SAMD5: variants seen among roughly 807,000 people sequenced by gnomAD.
SAMD5 encodes sterile alpha motif domain containing 5, also known as sterile alpha motif domain-containing protein 5.
In SAMD5, 13 loss-of-function variants were observed where a neutral mutation model predicts 11.3. The ratio of observed to expected loss-of-function variants is 1.15; its 90% CI spans 0.75 to 1.83. The LOEUF is 1.83. Ranked by LOEUF, SAMD5 falls within the 40% of genes most tolerant of loss-of-function variation. SAMD5 has a pLI of 0.00. For synonymous variants in SAMD5, 129 were observed against 111.3 expected (o/e 1.16, Z -1.00); for missense variants, 255 against 239.1 (o/e 1.07, Z -0.44).
chr6:147,927,204 T>C, the SAMD5 span, among the ~76,000 whole-genome samples: 4 of 152,220 alleles, frequency 2.6e-5, no homozygotes, highest in Non-Finnish European at 5.9e-5. Context: ...GTGAAGAATG[T>C]CATTGGTAGT....
chr6:147,683,861 A>C (rs1403357695), intron 1 of SAMD5, among the ~76,000 whole-genome samples: 1 of 152,226 alleles, frequency 6.6e-6, no homozygotes, highest in Non-Finnish European at 1.5e-5. Context: ...TTCTTGGACC[A>C]TTTCAGAATT....
At chr6:147,727,261 A>G (rs1466638877) in intron 1 of SAMD5, among the ~76,000 whole-genome samples, 1 of 152,138 alleles carries the variant, frequency 6.6e-6, no homozygotes, top group Non-Finnish European at 1.5e-5. Context: ...TGCTGGCCCA[A>G]TTTGCTTGAC....
At chr6:147,935,287 T>C in the SAMD5 span, among the ~76,000 whole-genome samples, 556 of 152,260 alleles carry the variant, frequency 3.7e-3, 4 homozygotes, top group African/African-American at 0.012. Context: ...CACATCTTCA[T>C]AGTGATATCA....
the SAMD5 span, among the ~76,000 whole-genome samples, chr6:147,868,822 A>G: frequency 6.6e-6 from 1 of 152,256 alleles, no homozygotes; most frequent in Non-Finnish European, 1.5e-5. Flanking sequence ...TAAAACACAT[A>G]TCAATCTCTG....
intron 1 of SAMD5, among the ~76,000 whole-genome samples, chr6:147,539,135 A>G (rs895918267): frequency 2.0e-5 from 3 of 152,214 alleles, no homozygotes; most frequent in Admixed American, 1.3e-4. Flanking sequence ...CAGATCCCCA[A>G]AATTAGGCGT....
chr6:147,919,073 C>T, the SAMD5 span, among the ~76,000 whole-genome samples: 1 of 152,160 alleles, frequency 6.6e-6, no homozygotes, highest in Non-Finnish European at 1.5e-5. Flanking sequence ...ACAATCCAAT[C>T]TAGGGATGGG....
the SAMD5 span, among the ~76,000 whole-genome samples, chr6:147,816,526 A>G: frequency 6.6e-6 from 1 of 151,534 alleles, no homozygotes; most frequent in Non-Finnish European, 1.5e-5. Flanking sequence ...ATTATCACAT[A>G]CAAAAGGCAG....
chr6:147,520,517 G>A (rs117753585), intron 1 of SAMD5, among the ~76,000 whole-genome samples: 2 of 152,272 alleles, frequency 1.3e-5, no homozygotes, highest in Middle Eastern at 3.4e-3. Flanking sequence ...ACATTGTATT[G>A]AGAAAATTTG....
At chr6:147,816,281 C>CAAAAAA in the SAMD5 span, among the ~76,000 whole-genome samples, 42 of 27,820 alleles carry the variant, frequency 1.5e-3, 1 homozygote, top group African/African-American at 1.8e-3. Flanking sequence ...ACTCCGTCTC[C>CAAAAAA]AAAAAAAAAA....
chr6:147,640,497 CA>C (rs1172694444), intron 1 of SAMD5, among the ~76,000 whole-genome samples: 2,665 of 23,886 alleles, frequency 0.11, 10 homozygotes, highest in South Asian at 0.16. Flanking sequence ...GACTCTGTCG[CA>C]AAAAAAAAAA....
At chr6:147,846,108 G>GA in the SAMD5 span, among the ~76,000 whole-genome samples, 134 of 141,654 alleles carry the variant, frequency 9.5e-4, 1 homozygote, top group East Asian at 7.9e-3. Context: ...TATGCTGAGT[G>GA]AAAAAAAAAA....
At chr6:147,721,801 T>A (rs1791556023) in intron 1 of SAMD5, among the ~76,000 whole-genome samples, 1 of 152,214 alleles carries the variant, frequency 6.6e-6, no homozygotes, top group Admixed American at 6.5e-5. Context: ...GAAAGTTTTA[T>A]ACAATTGCAC....
rs546944537 is a variant in SAMD5, at chr6:147,537,645, T to G, written c.460-26749T>G. 5.3e-5 allele frequency among the ~76,000 whole-genome samples: 8 copies of G among 151,826 alleles called. 1 individual carries two copies. The Middle Eastern group carries it at 0.014, about 258-fold the overall frequency. On this transcript the variant is annotated intron_variant, in intron 1 of 1. Transcript: ENST00000367474. ...GGCGGGCACCTGTAGTCCCAGCTAC[T>G]CGGGAGGCTGAGGCAGGAGAATGGC...
the SAMD5 span, among the ~76,000 whole-genome samples, chr6:147,903,998 G>A: frequency 6.6e-6 from 1 of 152,092 alleles, no homozygotes; most frequent in Non-Finnish European, 1.5e-5. Context: ...GGAGTCCCCA[G>A]ATTTCTTTGT....
chr6:147,794,859 C>A, the SAMD5 span, among the ~76,000 whole-genome samples: 1 of 152,026 alleles, frequency 6.6e-6, no homozygotes, highest in African/African-American at 2.4e-5. Flanking sequence ...CCTGGTGATA[C>A]TAATACCGAA....
chr6:147,718,255 G>A (rs1253917162), intron 1 of SAMD5, among the ~76,000 whole-genome samples: 1 of 152,164 alleles, frequency 6.6e-6, no homozygotes, highest in Non-Finnish European at 1.5e-5. Context: ...TGAGCATTGA[G>A]GAGCAGATGC....
Position 147,508,887 on chromosome 6 carries a change from G to A in SAMD5, c.-42G>A, listed in dbSNP as rs191603443. On this transcript the variant is annotated 5_prime_UTR_variant, in exon 1 of 2. Transcript: ENST00000367474. Reference sequence around the variant, plus strand: ...GAACTGGTGCCGCCCGTGCCATTTGGGCGCTGGGAAGGTGCTCGGCGGCGG... The same window carrying A: ...GAACTGGTGCCGCCCGTGCCATTTGAGCGCTGGGAAGGTGCTCGGCGGCGG... 5.7e-5 allele frequency: 90 copies of A among 1,581,384 alleles called. No homozygotes were observed. In the Admixed American group the frequency reaches 6.5e-4, roughly 11 times the overall value.
chr6:147,647,896 C>T (rs1203400973), intron 1 of SAMD5, among the ~76,000 whole-genome samples: 2 of 152,164 alleles, frequency 1.3e-5, no homozygotes. Flanking sequence ...ATTTAGGTAA[C>T]AGAGTGTTGA....
chr6:147,873,985 T>C, the SAMD5 span, among the ~76,000 whole-genome samples: 1 of 152,218 alleles, frequency 6.6e-6, no homozygotes, highest in Non-Finnish European at 1.5e-5. Flanking sequence ...ATATTATATG[T>C]CTCTTGAGAA....
Sources: gnomAD v4.1 joint callset for allele counts (sites outside exome capture counted in the v4.1 genomes callset) on GRCh38, gnomAD v4.1.1 for gene constraint, MANE v1.5 for transcripts, NCBI Gene and HGNC (gene_info 2026-07-23, HGNC 2026-07-21) for gene names.